The following NUDT4 variants were observed in gnomAD, a reference collection of about 807,000 sequenced individuals.
NUDT4 encodes the protein nudix hydrolase 4, also known as diphosphoinositol polyphosphate phosphohydrolase 2.
NUDT4 carries 5 observed loss-of-function variants against 23.1 expected under a neutral mutation model. The ratio of observed to expected loss-of-function variants is 0.22; its 90% confidence interval spans 0.11 to 0.46. NUDT4 has a LOEUF of 0.46. NUDT4 is among the 20% of genes least tolerant of loss of function. The probability of loss-of-function intolerance (pLI) is 0.99; values close to 1 mark genes in which losing one functional copy is unlikely to be tolerated. For missense variants in NUDT4, 96 were observed against 211.6 expected (o/e 0.45, Z 3.39); for synonymous variants, 50 against 79.0 (o/e 0.63, Z 1.95).
At chr12:93,392,008 T>C (rs1029315932) in intron 1 of NUDT4, among the ~76,000 whole-genome samples, 1 of 151,978 alleles carries the variant, frequency 6.6e-6, no homozygotes, top group African/African-American at 2.4e-5. Context: ...CTCAGCCTCC[T>C]GAGTAGCTGG....
At chr12:93,395,404 A>G in intron 2 of NUDT4, 85 bp from the exon 3 acceptor site, 1 of 954,586 alleles carries the variant, frequency 1.0e-6, no homozygotes, top group South Asian at 1.4e-5. Flanking sequence ...AATTAGATTT[A>G]AGTAAATAGC....
chr12:93,383,210 A>G (rs1250491326), intron 1 of NUDT4, among the ~76,000 whole-genome samples: 1 of 152,110 alleles, frequency 6.6e-6, no homozygotes, highest in Admixed American at 6.6e-5. Flanking sequence ...AACATTATTG[A>G]TAATACTTAT....
intron 3 of NUDT4, among the ~76,000 whole-genome samples, chr12:93,396,062 G>A (rs976846947): frequency 3.3e-5 from 5 of 152,144 alleles, no homozygotes; most frequent in African/African-American, 1.2e-4. Flanking sequence ...GATTACTTCT[G>A]TTTGAAAATA....
At chr12:93,379,334 G>A (rs1432781066) in intron 1 of NUDT4, among the ~76,000 whole-genome samples, 9 of 152,160 alleles carry the variant, frequency 5.9e-5, no homozygotes, top group Non-Finnish European at 1.3e-4. Flanking sequence ...GGCAATAGTA[G>A]CCTTTTGGTA....
chr12:93,386,237 C>T (rs1006763085), intron 1 of NUDT4, among the ~76,000 whole-genome samples: 2 of 151,850 alleles, frequency 1.3e-5, no homozygotes, highest in Admixed American at 6.6e-5. Flanking sequence ...CTTCCCAAAG[C>T]ACCGGGATTA....
chr12:93,380,319 G>A (rs1346360184), intron 1 of NUDT4, among the ~76,000 whole-genome samples: 1 of 152,168 alleles, frequency 6.6e-6, no homozygotes, highest in Non-Finnish European at 1.5e-5. Context: ...TTATGGTAAA[G>A]CAAAGACTGA....
rs567350106 is a variant in NUDT4 at position 93,405,802 on chromosome 12, T to C, written c.*6423T>C. The C allele has an allele frequency of 6.6e-6, 1 of 152,330 alleles. No individual in the cohort carries two copies. Among genetic ancestry groups the C allele is most frequent in the Admixed American group, 6.5e-5 (1 of 15,294 alleles). 9.4% of individuals were successfully genotyped at this position (152,330 alleles called of 1,614,324 possible). On this transcript the variant is annotated 3_prime_UTR_variant, in exon 5 of 5. Coordinates refer to ENST00000415493, the MANE Select transcript of NUDT4 (RefSeq NM_019094.6). ...CCCTCATATAATTCCCTAAGATGGGTGGCATGCCAAGTAGCTAAATGAAAT... is the reference window on the plus strand; with the variant it reads ...CCCTCATATAATTCCCTAAGATGGGCGGCATGCCAAGTAGCTAAATGAAAT...
intron 1 of NUDT4, among the ~76,000 whole-genome samples, chr12:93,379,641 C>A (rs1381280789): frequency 1.3e-5 from 2 of 152,098 alleles, no homozygotes; most frequent in Admixed American, 1.3e-4. Flanking sequence ...CACTCATAAC[C>A]TTTACGTATT....
chr12:93,395,347 C>T, intron 2 of NUDT4, 142 bp from the exon 3 acceptor site: 1 of 675,166 alleles, frequency 1.5e-6, no homozygotes, highest in South Asian at 1.7e-5. Flanking sequence ...AAAAACTTCA[C>T]AGAAGCAGGA....
rs1309716920 is a variant in NUDT4, at chr12:93,402,392, G to A, written c.*3013G>A. 2 of 152,138 alleles carry A rather than the reference G, an allele frequency of 1.3e-5. No individual in the cohort carries two copies. Among genetic ancestry groups the A allele is most frequent in the Admixed American group, 6.5e-5 (1 of 15,268 alleles). 9.4% of individuals were successfully genotyped at this position (152,138 alleles called of 1,614,324 possible). A position where few individuals can be genotyped will look rare whatever the true frequency, so the allele number is the denominator to read the frequency against. ...TAACTTTGAAATGTATAAACACCCA[G>A]CGGAAACGTATACCTTTCAGTGCAT... On this transcript the variant is annotated 3_prime_UTR_variant, in exon 5 of 5. Transcript: ENST00000415493.
At chr12:93,394,320 TTTG>T (rs1213680632) in intron 1 of NUDT4, among the ~76,000 whole-genome samples, 1 of 152,182 alleles carries the variant, frequency 6.6e-6, no homozygotes, top group Non-Finnish European at 1.5e-5. Flanking sequence ...GTTTTTATCC[TTTG>T]TTATTATCCA....
rs554192736 is a variant in NUDT4, at chr12:93,379,054, G to A, written c.99+633G>A. ...TGGTTAGTGAAAAATGTGGAATAAT[G>A]CCAAAAGGGAGACGATGGACTAGAG... On this transcript the variant is annotated intron_variant, in intron 1 of 4. Transcript: ENST00000415493. Among the ~76,000 whole-genome samples the A allele has an allele frequency of 2.0e-5, 3 of 152,318 alleles. No individual in the cohort carries two copies. In the South Asian group the frequency reaches 6.2e-4, roughly 32 times the overall value.
At chr12:93,378,811 C>T (rs1397730207) in intron 1 of NUDT4, 3 of 994,252 alleles carry the variant, frequency 3.0e-6, no homozygotes, top group African/African-American at 3.5e-5. Flanking sequence ...CAGCAGAGCC[C>T]TTGTGCCTCT....
rs765249125 is a variant in NUDT4 at position 93,405,741 on chromosome 12, A to G, written c.*6362A>G. The G allele has an allele frequency of 5.3e-5, 8 of 152,212 alleles. No homozygotes were observed. Among genetic ancestry groups the G allele is most frequent in the Non-Finnish European group, 8.8e-5 (6 of 68,036 alleles). 9.4% of individuals were successfully genotyped at this position (152,212 alleles called of 1,614,324 possible). On this transcript the variant is annotated 3_prime_UTR_variant, in exon 5 of 5. Transcript: ENST00000415493. ...ACACTTCTCTCAAATTATTACATTC[A>G]GCATGTTTTGCTTTTTATGTTATTT...
At position 93,407,681 on chromosome 12, in the gene NUDT4, A is replaced by C. The variant is rs1238016716; in HGVS notation, c.*8302A>C. 2 of 152,188 alleles carry C rather than the reference A, an allele frequency of 1.3e-5. No individual in the cohort carries two copies. Among genetic ancestry groups the C allele is most frequent in the African/African-American group, 2.4e-5 (1 of 41,450 alleles). The allele number at this position is 152,188 out of a possible 1,614,324, so 9.4% of individuals were successfully genotyped here. On this transcript the variant is annotated 3_prime_UTR_variant, in exon 5 of 5. Coordinates refer to ENST00000415493, the MANE Select transcript of NUDT4 (RefSeq NM_019094.6). Reference sequence around the variant, plus strand: ...TTCTGGATTTTCATGCAAATCTCCCAATTTTTAAAAATGTTGGCATCAAAT... The same window carrying C: ...TTCTGGATTTTCATGCAAATCTCCCCATTTTTAAAAATGTTGGCATCAAAT...
At chr12:93,385,663 TG>T (rs1377769524) in intron 1 of NUDT4, among the ~76,000 whole-genome samples, 19 of 149,920 alleles carry the variant, frequency 1.3e-4, no homozygotes. Flanking sequence ...AGATGGCTGT[TG>T]TGTGCGTTTA....
chr12:93,378,668 T>A, intron 1 of NUDT4: 1 of 1,154,560 alleles, frequency 8.7e-7, no homozygotes, highest in Non-Finnish European at 1.1e-6. Context: ...AGAAGGCGCC[T>A]GGTCCCCGGG....
At chr12:93,385,947 A>ATATATATC (rs1876046689) in intron 1 of NUDT4, among the ~76,000 whole-genome samples, 1 of 96,816 alleles carries the variant, frequency 1.0e-5, no homozygotes, top group African/African-American at 4.5e-5. Context: ...CTTTTTATAT[A>ATATATATC]TATATATATA....
intron 3 of NUDT4, among the ~76,000 whole-genome samples, chr12:93,396,123 G>A (rs376286172): frequency 1.3e-5 from 2 of 152,138 alleles, no homozygotes; most frequent in African/African-American, 4.8e-5. Flanking sequence ...AGACTGTTTA[G>A]GGTATAGATC....
Sources: gnomAD v4.1 joint callset for allele counts (sites outside exome capture counted in the v4.1 genomes callset) on GRCh38, gnomAD v4.1.1 for gene constraint, MANE v1.5 for transcripts, NCBI Gene and HGNC (gene_info 2026-07-23, HGNC 2026-07-21) for gene names.